Variants in ROBO2 observed in about 807,000 individuals in gnomAD.
ROBO2 encodes roundabout homolog 2.
A neutral mutation model predicts 160.8 loss-of-function variants in ROBO2; 53 were observed. The observed-to-expected ratio is 0.33, with a 90% CI of 0.26 to 0.41. The LOEUF (loss-of-function observed/expected upper bound fraction) is 0.41. Among genes scored for constraint, ROBO2 ranks in the 10% least tolerant of loss-of-function variants. The pLI, the probability that ROBO2 is intolerant of heterozygous loss-of-function variation, is 1.00. For missense variants in ROBO2, 1,577 were observed against 1,722.4 expected (o/e 0.92, Z 1.49); for synonymous variants, 664 against 611.7 (o/e 1.09, Z -1.26).
chr3:75,920,153 G>A (rs903191120), intron 1 of ROBO2, among the ~76,000 whole-genome samples: 3 of 152,070 alleles, frequency 2.0e-5, no homozygotes, highest in Admixed American at 2.0e-4. Context: ...CCCACTTTCT[G>A]ATATGGGCAT....
At position 76,440,250 on chromosome 3, in the gene ROBO2, A is replaced by T. The variant is rs201628881; in HGVS notation, c.109+502648A>T. 6.8e-4 allele frequency among the ~76,000 whole-genome samples: 102 copies of T among 149,662 alleles called. 1 individual carries two copies. The East Asian group carries it at 0.014, about 21-fold the overall frequency. ...TTAGTAAAAGTACTTTTTTTATTTT[A>T]TTTTTTTTTTATTATTATACATTAA... On this transcript the variant is annotated intron_variant, in intron 2 of 26. Transcript: ENST00000487694.
At chr3:77,272,035 T>C (rs1166934649) in intron 2 of ROBO2, among the ~76,000 whole-genome samples, 61 of 152,192 alleles carry the variant, frequency 4.0e-4, no homozygotes, top group Non-Finnish European at 5.9e-5. Flanking sequence ...ACTGCAAACA[T>C]AGCACAGGTG....
intron 2 of ROBO2, among the ~76,000 whole-genome samples, chr3:76,947,991 A>G (rs10048956): frequency 0.19 from 28,803 of 151,970 alleles, 2,727 homozygotes; most frequent in African/African-American, 0.21. Flanking sequence ...GAATAGGATA[A>G]TTTTCCTTTG....
At chr3:77,578,894 A>AT (rs1002339178) in intron 15 of ROBO2, among the ~76,000 whole-genome samples, 4 of 151,938 alleles carry the variant, frequency 2.6e-5, no homozygotes, top group South Asian at 4.2e-4. Context: ...AACATGATGA[A>AT]TTTTTTTTCC....
chr3:77,385,138 T>C lies in ROBO2; in HGVS notation c.389-92276T>C, dbSNP rs1018862429. ...TCCGCCTCCGGAGTTCAAATAATTG[T>C]CCTGCCTCAGCCTCCTGAGTAGCTG... On this transcript the variant is annotated intron_variant, in intron 2 of 25. Coordinates refer to ENST00000461745, the Ensembl canonical transcript of ROBO2. Among the ~76,000 whole-genome samples, 4 of 152,188 alleles carry C rather than the reference T, an allele frequency of 2.6e-5. No homozygotes were observed. In the East Asian group the frequency reaches 7.7e-4, roughly 29 times the overall value.
At chr3:76,200,570 AG>A (rs1575842480) in intron 2 of ROBO2, among the ~76,000 whole-genome samples, 1 of 152,130 alleles carries the variant, frequency 6.6e-6, no homozygotes, top group Non-Finnish European at 1.5e-5. Context: ...CGTCCAGTAT[AG>A]GGGGCAACTT....
At chr3:75,922,396 G>T (rs1401093068) in intron 1 of ROBO2, among the ~76,000 whole-genome samples, 1 of 152,030 alleles carries the variant, frequency 6.6e-6, no homozygotes, top group Non-Finnish European at 1.5e-5. Context: ...TTATGGATTG[G>T]AATTTGTTAA....
intron 2 of ROBO2, among the ~76,000 whole-genome samples, chr3:75,943,580 ATC>A (rs548321920): frequency 1.4e-3 from 217 of 152,344 alleles, no homozygotes; most frequent in African/African-American, 4.9e-3. Context: ...TTTTAGTCTT[ATC>A]TCTCTGCCTA....
chr3:76,742,119 A>C (rs888167149), intron 2 of ROBO2, among the ~76,000 whole-genome samples: 3 of 152,148 alleles, frequency 2.0e-5, no homozygotes, highest in Non-Finnish European at 2.9e-5. Flanking sequence ...AAACAGGCTT[A>C]TCTAATTAGA....
At chr3:77,527,478 G>C in intron 6 of ROBO2, 64 bp downstream of exon 7, 1 of 1,097,084 alleles carries the variant, frequency 9.1e-7, no homozygotes, top group Non-Finnish European at 1.2e-6. Context: ...CTCATGCATA[G>C]TAAGATTTGA....
intron 2 of ROBO2, among the ~76,000 whole-genome samples, chr3:77,261,095 A>T (rs2058744438): frequency 6.6e-6 from 1 of 152,156 alleles, no homozygotes; most frequent in Admixed American, 6.5e-5. Context: ...GAGATATTTC[A>T]GAGTGAAGAT....
In ROBO2 at chr3:75,970,785, A is replaced by G. The variant is rs554827678; in HGVS notation, c.109+33183A>G. Among the ~76,000 whole-genome samples the G allele has an allele frequency of 1.1e-3, 161 of 150,312 alleles. 1 individual carries two copies. The highest frequency in any genetic ancestry group is 3.7e-3 in the African/African-American group (152 of 41,088). ...CTAATAATATATGAAACTGAAGGCC[A>G]TTTTTACTTTTTATTATTCTTGTAG... On this transcript the variant is annotated intron_variant, in intron 2 of 26. Coordinates refer to the ROBO2 transcript ENST00000487694.
At chr3:76,281,807 G>A (rs889344345) in intron 2 of ROBO2, among the ~76,000 whole-genome samples, 3 of 151,962 alleles carry the variant, frequency 2.0e-5, no homozygotes, top group African/African-American at 7.2e-5. Flanking sequence ...ACAATAAAGA[G>A]GGTATGAAAA....
At chr3:77,343,052 T>C (rs2067231805) in intron 2 of ROBO2, among the ~76,000 whole-genome samples, 1 of 96,742 alleles carries the variant, frequency 1.0e-5, no homozygotes, top group African/African-American at 3.3e-5. Flanking sequence ...AGGGGATAGG[T>C]AGATGGAGAG....
At chr3:76,070,803 G>C (rs532690573) in intron 2 of ROBO2, among the ~76,000 whole-genome samples, 1 of 151,978 alleles carries the variant, frequency 6.6e-6, no homozygotes, top group Non-Finnish European at 1.5e-5. Context: ...CAAGCCGGCC[G>C]GCACTTAGGG....
At chr3:76,470,749 G>A (rs1255446250) in intron 2 of ROBO2, among the ~76,000 whole-genome samples, 4 of 152,082 alleles carry the variant, frequency 2.6e-5, no homozygotes, top group African/African-American at 9.7e-5. Context: ...TTAATACTGA[G>A]AGTATGGTTC....
chr3:77,538,797 G>A (rs1010571020), intron 6 of ROBO2: 3 of 426,232 alleles, frequency 7.0e-6, no homozygotes, highest in South Asian at 3.5e-5. Flanking sequence ...TATAAATTGA[G>A]TAAACATTTA....
intron 2 of ROBO2, among the ~76,000 whole-genome samples, chr3:76,558,140 A>G (rs542251893): frequency 2.0e-5 from 3 of 152,176 alleles, no homozygotes; most frequent in East Asian, 1.9e-4. Context: ...CTTTCAGCCT[A>G]AAGTTGATCA....
At chr3:76,917,727 G>A (rs779617516) in intron 2 of ROBO2, among the ~76,000 whole-genome samples, 1 of 147,282 alleles carries the variant, frequency 6.8e-6, no homozygotes, top group Non-Finnish European at 1.5e-5. Context: ...ATATGTAAGG[G>A]GATAATATCT....
Sources: gnomAD v4.1 joint callset for allele counts (sites outside exome capture counted in the v4.1 genomes callset) on GRCh38, gnomAD v4.1.1 for gene constraint, MANE v1.5 for transcripts, NCBI Gene and HGNC (gene_info 2026-07-23, HGNC 2026-07-21) for gene names.